FTCDNL1: variants seen among roughly 807,000 people sequenced by gnomAD.
FTCDNL1 encodes the protein formiminotransferase cyclodeaminase N-terminal like.
In FTCDNL1, 11 loss-of-function variants were observed where a neutral mutation model predicts 5.9. That is an observed-to-expected ratio of 1.87 (90% CI 1.18 to 3.10). The LOEUF is 3.10. FTCDNL1 is among the 30% of genes most tolerant of loss of function. The pLI, the probability that FTCDNL1 is intolerant of heterozygous loss-of-function variation, is 0.00. For synonymous variants in FTCDNL1, 58 were observed against 24.8 expected, an observed-to-expected ratio of 2.34 and a Z score of -3.99; for missense variants, 115 against 65.5, an observed-to-expected ratio of 1.76 and a Z score of -2.61.
chr2:199,675,346 G>C, the FTCDNL1 span, among the ~76,000 whole-genome samples: 4 of 151,932 alleles, frequency 2.6e-5, no homozygotes, highest in Non-Finnish European at 4.4e-5. Flanking sequence ...TGGAATAAGT[G>C]TATATAATTA....
chr2:199,788,190 C>T (rs1699754759), intron 3 of FTCDNL1, among the ~76,000 whole-genome samples: 1 of 152,130 alleles, frequency 6.6e-6, no homozygotes, highest in Non-Finnish European at 1.5e-5. Context: ...GATAAAGATG[C>T]CATTTTTTCC....
At chr2:199,765,754 C>A (rs1183824342) in intron 3 of FTCDNL1, among the ~76,000 whole-genome samples, 1 of 151,134 alleles carries the variant, frequency 6.6e-6, no homozygotes, top group Non-Finnish European at 1.5e-5. Flanking sequence ...TGTTGCCCAG[C>A]CCGGTCTCAA....
At chr2:199,756,534 AT>A (rs1423240424), downstream of FTCDNL1, among the ~76,000 whole-genome samples, 6 of 152,208 alleles carry the variant, frequency 3.9e-5, no homozygotes, top group African/African-American at 1.4e-4. Context: ...CTAAAGTCCT[AT>A]GTTAACCTGG....
chr2:199,796,226 C>G (rs542743879), intron 3 of FTCDNL1, among the ~76,000 whole-genome samples: 1 of 152,036 alleles, frequency 6.6e-6, no homozygotes, highest in Non-Finnish European at 1.5e-5. Context: ...AAGTTTATCA[C>G]GGTGACAATA....
rs149997826 is a variant in FTCDNL1, at chr2:199,801,484, C to G, written c.212-40649G>C. Reference sequence around the variant, plus strand: ...CAACATGGTGAGACTCCGTCTCTATCAAAAATAAAAAGTAAAAAAAATAGC... The same window carrying G: ...CAACATGGTGAGACTCCGTCTCTATGAAAAATAAAAAGTAAAAAAAATAGC... On this transcript the variant is annotated intron_variant, in intron 3 of 3. Transcript: ENST00000416668. Among the ~76,000 whole-genome samples, 371 of 151,878 alleles carry G rather than the reference C, an allele frequency of 2.4e-3. 5 individuals carry two copies. Among genetic ancestry groups the G allele is most frequent in the African/African-American group, 8.4e-3 (350 of 41,436 alleles).
rs1213548573 is a variant in FTCDNL1, at chr2:199,811,650, G to C, written c.*1055C>G. Reference sequence around the variant, plus strand: ...GGAAGTTCCTGCATGTGGACTTGGGGCTTTCCCCATGACATGGGTCATTCC... The same window carrying C: ...GGAAGTTCCTGCATGTGGACTTGGGCCTTTCCCCATGACATGGGTCATTCC... On this transcript the variant is annotated 3_prime_UTR_variant, in exon 5 of 5. Coordinates refer to ENST00000420128, the MANE Select transcript of FTCDNL1 (RefSeq NM_001363886.2). Among the ~76,000 whole-genome samples the C allele has an allele frequency of 6.6e-6, 1 of 152,210 alleles. No individual in the cohort carries two copies. Among genetic ancestry groups the C allele is most frequent in the Admixed American group, 6.5e-5 (1 of 15,278 alleles).
the FTCDNL1 span, among the ~76,000 whole-genome samples, chr2:199,678,726 T>A: frequency 2.6e-5 from 4 of 152,084 alleles, no homozygotes; most frequent in Admixed American, 2.6e-4. Context: ...AAATCATACA[T>A]TTTGTTCAGT....
the FTCDNL1 span, among the ~76,000 whole-genome samples, chr2:199,665,058 G>A: frequency 1.2e-4 from 19 of 152,188 alleles, no homozygotes; most frequent in African/African-American, 4.1e-4. Context: ...AGGAAAACAC[G>A]CTGATTATGT....
rs1386758709 is a variant in FTCDNL1, at chr2:199,811,243, T to G, written c.*1462A>C. ...TTAAGAATTATATCAGTTTTAACAT[T>G]GCACAGAGTATAATTGGAATTTTTG... is the stretch of plus-strand genomic sequence containing the variant. On this transcript the variant is annotated 3_prime_UTR_variant, in exon 5 of 5. Coordinates refer to ENST00000420128, the MANE Select transcript of FTCDNL1 (RefSeq NM_001363886.2). 6.6e-6 allele frequency among the ~76,000 whole-genome samples: 1 copy of G among 152,256 alleles called. No individual in the cohort carries two copies. Among genetic ancestry groups the G allele is most frequent in the African/African-American group, 2.4e-5 (1 of 41,474 alleles).
chr2:199,703,865 AC>A, the FTCDNL1 span, among the ~76,000 whole-genome samples: 1 of 152,200 alleles, frequency 6.6e-6, no homozygotes, highest in African/African-American at 2.4e-5. Flanking sequence ...CCTTTTAAAA[AC>A]ATATAAAAAT....
chr2:199,669,642 C>G, the FTCDNL1 span, among the ~76,000 whole-genome samples: 1 of 152,132 alleles, frequency 6.6e-6, no homozygotes, highest in Non-Finnish European at 1.5e-5. Context: ...TTTAACTCAT[C>G]AAGACATTGT....
chr2:199,800,316 G>T (rs1244884800), intron 3 of FTCDNL1, among the ~76,000 whole-genome samples: 1 of 152,152 alleles, frequency 6.6e-6, no homozygotes, highest in Non-Finnish European at 1.5e-5. Flanking sequence ...TTCTGTACCT[G>T]TAGAGTGGGA....
chr2:199,664,739 G>C, the FTCDNL1 span, among the ~76,000 whole-genome samples: 2 of 152,302 alleles, frequency 1.3e-5, no homozygotes, highest in South Asian at 2.1e-4. Flanking sequence ...CGGAGCCAAG[G>C]CATGTGTCTT....
the FTCDNL1 span, among the ~76,000 whole-genome samples, chr2:199,717,986 C>CAAAAAAAAAAAAAAAAAAAAA: frequency 1.4e-5 from 2 of 142,546 alleles, no homozygotes; most frequent in Non-Finnish European, 1.5e-5. Flanking sequence ...ACCAAAAAAA[C>CAAAAAAAAAAAAAAAAAAAAA]AAAAAAAAAA....
At chr2:199,765,445 G>A (rs1165532911) in intron 3 of FTCDNL1, among the ~76,000 whole-genome samples, 1 of 148,576 alleles carries the variant, frequency 6.7e-6, no homozygotes, top group East Asian at 2.0e-4. Flanking sequence ...GTAATAATAT[G>A]GACCTTTACT....
intron 1 of FTCDNL1, among the ~76,000 whole-genome samples, chr2:199,849,326 A>T (rs1471387998): frequency 6.6e-6 from 1 of 152,200 alleles, no homozygotes; most frequent in African/African-American, 2.4e-5. Flanking sequence ...TTTTACAAAC[A>T]GGTATGTTTT....
At chr2:199,721,882 T>C in the FTCDNL1 span, among the ~76,000 whole-genome samples, 13 of 152,150 alleles carry the variant, frequency 8.5e-5, no homozygotes, top group African/African-American at 2.7e-4. Flanking sequence ...ATCAGTGATA[T>C]TGAGCTTTTT....
At chr2:199,797,420 C>T (rs899847901) in intron 3 of FTCDNL1, among the ~76,000 whole-genome samples, 1 of 152,116 alleles carries the variant, frequency 6.6e-6, no homozygotes, top group Non-Finnish European at 1.5e-5. Flanking sequence ...AAGTCACACA[C>T]CCAAAATGCT....
At chr2:199,712,379 A>G in the FTCDNL1 span, among the ~76,000 whole-genome samples, 1 of 152,292 alleles carries the variant, frequency 6.6e-6, no homozygotes, top group South Asian at 2.1e-4. Flanking sequence ...TAATCTTTTT[A>G]TGTGCAAAAA....
Sources: gnomAD v4.1 joint callset for allele counts (sites outside exome capture counted in the v4.1 genomes callset) on GRCh38, gnomAD v4.1.1 for gene constraint, MANE v1.5 for transcripts, NCBI Gene and HGNC (gene_info 2026-07-23, HGNC 2026-07-21) for gene names.